Variants in CLEC16A observed in about 807,000 individuals in gnomAD.
CLEC16A encodes protein CLEC16A.
Under a neutral mutation model 109.5 loss-of-function variants are expected in CLEC16A, and 51 were observed. That is an observed-to-expected ratio of 0.47 (90% CI 0.37 to 0.59). The LOEUF (loss-of-function observed/expected upper bound fraction) is 0.59, where lower values mean the gene tolerates loss of function less well. Ranked by LOEUF, CLEC16A falls within the 20% of genes least tolerant of loss-of-function variation. CLEC16A has a pLI of 0.00. For synonymous variants in CLEC16A, 673 were observed against 564.2 expected, an observed-to-expected ratio of 1.19 and a Z score of -2.73; for missense variants, 1,339 against 1,394.0, an observed-to-expected ratio of 0.96 and a Z score of 0.63.
intron 22 of CLEC16A, among the ~76,000 whole-genome samples, chr16:11,162,347 C>G (rs1465361075): frequency 6.6e-6 from 1 of 152,216 alleles, no homozygotes; most frequent in African/African-American, 2.4e-5. Context: ...GAGGGCAGAA[C>G]AGATCTCAGG....
intron 1 of CLEC16A, among the ~76,000 whole-genome samples, chr16:10,956,798 T>G (rs190272071): frequency 1.8e-4 from 23 of 131,064 alleles, no homozygotes; most frequent in Admixed American, 5.1e-4. Flanking sequence ...CAGCCCTTAT[T>G]TATTTATTTA....
intron 11 of CLEC16A, among the ~76,000 whole-genome samples, chr16:11,006,627 T>C (rs183494806): frequency 6.6e-6 from 1 of 152,264 alleles, no homozygotes; most frequent in East Asian, 1.9e-4. Flanking sequence ...ACGGGGAAAA[T>C]ACAGGAGTAA....
At chr16:11,099,176 G>A (rs966778022) in intron 19 of CLEC16A, among the ~76,000 whole-genome samples, 1 of 152,226 alleles carries the variant, frequency 6.6e-6, no homozygotes, top group Non-Finnish European at 1.5e-5. Flanking sequence ...GGGCCAGGCT[G>A]CTTCATGCCA....
intron 11 of CLEC16A, among the ~76,000 whole-genome samples, chr16:11,005,300 C>T (rs2044931597): frequency 6.6e-6 from 1 of 152,180 alleles, no homozygotes; most frequent in Non-Finnish European, 1.5e-5. Flanking sequence ...GTAGGGGCTC[C>T]TGGAAGCTGT....
chr16:11,088,132 A>T (rs2050111933), intron 19 of CLEC16A, among the ~76,000 whole-genome samples: 1 of 152,222 alleles, frequency 6.6e-6, no homozygotes, highest in Non-Finnish European at 1.5e-5. Flanking sequence ...CTCAGTGCGG[A>T]TCACACATGT....
intron 10 of CLEC16A, among the ~76,000 whole-genome samples, chr16:10,984,572 A>G (rs925787482): frequency 1.3e-5 from 2 of 152,182 alleles, no homozygotes; most frequent in Admixed American, 1.3e-4. Flanking sequence ...CTCTAAAGGG[A>G]AGAAGTGTTT....
chr16:11,087,067 C>T (rs2050050777), intron 19 of CLEC16A, among the ~76,000 whole-genome samples: 1 of 152,190 alleles, frequency 6.6e-6, no homozygotes, highest in South Asian at 2.1e-4. Context: ...TTAAGCTAGT[C>T]CAAACCTAAA....
chr16:11,097,403 C>T (rs930530387), intron 19 of CLEC16A, among the ~76,000 whole-genome samples: 1 of 152,154 alleles, frequency 6.6e-6, no homozygotes, highest in African/African-American at 2.4e-5. Flanking sequence ...CTGTAAGTGC[C>T]TTTTAATATT....
chr16:11,174,392 C>T lies in CLEC16A; in HGVS notation c.2807-3943C>T. The T allele has an allele frequency of 2.8e-6, 1 of 357,512 alleles. No individual in the cohort carries two copies. The highest frequency in any genetic ancestry group is 5.7e-6 in the Non-Finnish European group (1 of 176,680). The allele number at this position is 357,512 out of a possible 1,614,324, so 22.1% of individuals were successfully genotyped here. A position where few individuals can be genotyped will look rare whatever the true frequency, so the allele number is the denominator to read the frequency against. On this transcript the variant is annotated intron_variant, in intron 23 of 23. Coordinates refer to ENST00000409790, the MANE Select transcript of CLEC16A (RefSeq NM_015226.3). The surrounding 1 kb of genome is among the most constrained non-coding windows in gnomAD (Gnocchi z 4.7). ...GCCAAGCTGGGCCTGAGCACAGAGC[C>T]ATTTGCCAAGGCGGCACTTCCCCAT...
chr16:10,963,066 C>A (rs1700819), intron 3 of CLEC16A, among the ~76,000 whole-genome samples: 88,879 of 148,410 alleles, frequency 0.6, 27,632 homozygotes, highest in African/African-American at 0.78. Context: ...CCAACAACAA[C>A]AAAAAAAAAA....
intron 19 of CLEC16A, among the ~76,000 whole-genome samples, chr16:11,097,467 A>T (rs972977426): frequency 3.3e-5 from 5 of 152,314 alleles, no homozygotes; most frequent in East Asian, 3.9e-4. Context: ...AAATATTTTT[A>T]AAAAGCTTAG....
chr16:11,020,377 G>A, intron 12 of CLEC16A, 52 bp downstream of exon 12: 1 of 1,536,986 alleles, frequency 6.5e-7, no homozygotes, highest in Non-Finnish European at 8.8e-7. Context: ...AGAGGAGAGG[G>A]CTCAGTGGGG....
At chr16:11,106,295 A>G (rs1222248034) in intron 19 of CLEC16A, among the ~76,000 whole-genome samples, 1 of 151,760 alleles carries the variant, frequency 6.6e-6, no homozygotes, top group Non-Finnish European at 1.5e-5. Flanking sequence ...TATCCACCAA[A>G]CTTTTTTGTG....
intron 12 of CLEC16A, among the ~76,000 whole-genome samples, chr16:11,022,976 TA>T (rs1015985832): frequency 1.8e-4 from 26 of 143,936 alleles, no homozygotes; most frequent in East Asian, 6.0e-4. Context: ...TTTCTTTTCT[TA>T]AAAAAAAAAG....
At chr16:10,960,961 C>G (rs1352444539) in intron 2 of CLEC16A, among the ~76,000 whole-genome samples, 2 of 152,156 alleles carry the variant, frequency 1.3e-5, no homozygotes, top group East Asian at 1.9e-4. Context: ...ATGCTCCAGT[C>G]CTACAATCAC....
At chr16:11,036,362 G>A (rs2047019257) in intron 13 of CLEC16A, among the ~76,000 whole-genome samples, 2 of 151,662 alleles carry the variant, frequency 1.3e-5, no homozygotes, top group African/African-American at 4.8e-5. Context: ...ACCTTGGTTT[G>A]GCAAGTCCTG....
At chr16:10,996,848 A>G (rs1298362878) in intron 10 of CLEC16A, among the ~76,000 whole-genome samples, 1 of 152,046 alleles carries the variant, frequency 6.6e-6, no homozygotes. Flanking sequence ...CCCTCATTTC[A>G]TCAGTGATCA....
chr16:10,999,050 G>T (rs1233944395), intron 10 of CLEC16A, among the ~76,000 whole-genome samples: 2 of 152,182 alleles, frequency 1.3e-5, no homozygotes, highest in Non-Finnish European at 2.9e-5. Flanking sequence ...AGCAAAAATA[G>T]TCCTTAGTCC....
intron 10 of CLEC16A, among the ~76,000 whole-genome samples, chr16:10,998,423 G>C (rs190108519): frequency 6.6e-6 from 1 of 152,316 alleles, no homozygotes; most frequent in Admixed American, 6.5e-5. Flanking sequence ...AGATGAGCGC[G>C]TGGTGAAACC....
Sources: gnomAD v4.1 joint callset for allele counts (sites outside exome capture counted in the v4.1 genomes callset) on GRCh38, gnomAD v4.1.1 for gene constraint, Gnocchi (gnomAD v3.1) non-coding constraint, MANE v1.5 for transcripts, NCBI Gene and HGNC (gene_info 2026-07-23, HGNC 2026-07-21) for gene names.